The following NEBL variants were observed in gnomAD, a reference collection of about 807,000 sequenced individuals.
The protein encoded by NEBL is LIM and SH3 protein 2.
Under a neutral mutation model 140.2 loss-of-function variants are expected in NEBL, and 122 were observed. That is an observed-to-expected ratio of 0.87 (90% CI 0.75 to 1.01). The LOEUF (loss-of-function observed/expected upper bound fraction) is 1.01, where lower values mean the gene tolerates loss of function less well. Ranked by LOEUF, NEBL falls within the 50% of genes least tolerant of loss-of-function variation. The probability of loss-of-function intolerance (pLI) is 0.00; values close to 1 mark genes in which losing one functional copy is unlikely to be tolerated. For missense variants in NEBL, 1,365 were observed against 1,231.3 expected, an observed-to-expected ratio of 1.11 and a Z score of -1.62; for synonymous variants, 436 against 398.9, an observed-to-expected ratio of 1.09 and a Z score of -1.11.
At chr10:20,839,883 G>T (rs1246234791) in intron 13 of NEBL, among the ~76,000 whole-genome samples, 2 of 151,988 alleles carry the variant, frequency 1.3e-5, no homozygotes, top group Non-Finnish European at 1.5e-5. Flanking sequence ...TATTAAGTGG[G>T]TTCATTGCAT....
intron 2 of NEBL, among the ~76,000 whole-genome samples, chr10:21,135,041 C>T (rs1429842275): frequency 6.6e-6 from 1 of 152,156 alleles, no homozygotes; most frequent in Non-Finnish European, 1.5e-5. Flanking sequence ...CAACGTTTGT[C>T]CAGGTTCCAG....
chr10:21,029,832 G>C, intron 2 of NEBL: 1 of 697,402 alleles, frequency 1.4e-6, no homozygotes, highest in Non-Finnish European at 2.6e-6. Flanking sequence ...ATAGGCAGTG[G>C]CAGAAGGGCA....
At chr10:21,184,751 TAAG>T (rs1203005063) in intron 3 of NEBL, among the ~76,000 whole-genome samples, 1 of 152,206 alleles carries the variant, frequency 6.6e-6, no homozygotes, top group African/African-American at 2.4e-5. Flanking sequence ...TTTTATGACA[TAAG>T]AAGATGTTTC....
chr10:20,842,726 T>C (rs1192061908), intron 12 of NEBL, among the ~76,000 whole-genome samples: 2 of 152,206 alleles, frequency 1.3e-5, no homozygotes, highest in East Asian at 3.9e-4. Flanking sequence ...ATTTACTTTT[T>C]CGTGGCGAGA....
intron 26 of NEBL, among the ~76,000 whole-genome samples, chr10:20,801,204 T>G (rs772854960): frequency 3.9e-5 from 6 of 151,912 alleles, no homozygotes; most frequent in African/African-American, 9.7e-5. Flanking sequence ...TTTTATTTAT[T>G]TTTATTTTTA....
intron 4 of NEBL, among the ~76,000 whole-genome samples, chr10:20,903,264 A>G (rs1210752980): frequency 1.3e-5 from 2 of 152,256 alleles, no homozygotes; most frequent in East Asian, 1.9e-4. Context: ...TATGAAAAAA[A>G]TGCTCAATAT....
intron 3 of NEBL, among the ~76,000 whole-genome samples, chr10:21,236,452 A>G (rs1013800174): frequency 6.6e-6 from 1 of 150,660 alleles, no homozygotes; most frequent in African/African-American, 2.5e-5. Context: ...GGTTCAAGCA[A>G]TTCTCATACC....
chr10:21,221,360 G>A (rs1842064010), intron 3 of NEBL, among the ~76,000 whole-genome samples: 1 of 152,106 alleles, frequency 6.6e-6, no homozygotes, highest in Admixed American at 6.6e-5. Context: ...AAATGTGCGA[G>A]GCTACTCTGA....
intron 4 of NEBL, among the ~76,000 whole-genome samples, chr10:20,914,011 T>C (rs146554106): frequency 1.3e-5 from 2 of 152,154 alleles, no homozygotes; most frequent in Non-Finnish European, 2.9e-5. Flanking sequence ...AATTCACCAG[T>C]GCAAACTACA....
At chr10:21,080,389 C>T (rs1175088760) in intron 2 of NEBL, among the ~76,000 whole-genome samples, 2 of 152,176 alleles carry the variant, frequency 1.3e-5, no homozygotes, top group East Asian at 1.9e-4. Context: ...ACTTTGAGGG[C>T]GAATTTCATT....
At chr10:21,025,922 A>G (rs1839010364) in intron 2 of NEBL, among the ~76,000 whole-genome samples, 1 of 152,132 alleles carries the variant, frequency 6.6e-6, no homozygotes, top group African/African-American at 2.4e-5. Flanking sequence ...TATTATTATC[A>G]CTATTACTAT....
chr10:21,146,364 T>C, intron 2 of NEBL: 1 of 1,613,308 alleles, frequency 6.2e-7, no homozygotes. Context: ...GGAATGTACA[T>C]TTCAGCCACA....
chr10:21,077,312 T>A (rs1836142429), intron 2 of NEBL, among the ~76,000 whole-genome samples: 1 of 152,176 alleles, frequency 6.6e-6, no homozygotes, highest in Admixed American at 6.5e-5. Flanking sequence ...ACATTTTAAA[T>A]TGCTTTTGCT....
rs1204100847 is a variant in NEBL, at chr10:21,255,841, CA to C, written n.183-4014del. ...TGAAACCCCATCTCTACTAAAAATA[CA>C]AAAAATTAGCCAGGCGTGGGTCCCA... On this transcript the variant is annotated intron_variant and non_coding_transcript_variant, in intron 1 of 8. Coordinates refer to the NEBL transcript ENST00000675702. Among the ~76,000 whole-genome samples, 4 of 151,822 alleles carry C rather than the reference CA, an allele frequency of 2.6e-5. No individual in the cohort carries two copies. In the South Asian group the frequency reaches 8.3e-4, roughly 32 times the overall value.
chr10:20,894,878 G>A (rs1205062403), intron 2 of NEBL, among the ~76,000 whole-genome samples: 3 of 147,170 alleles, frequency 2.0e-5, no homozygotes, highest in East Asian at 2.0e-4. Flanking sequence ...GCAGTGAGCC[G>A]AGATCGTGCC....
At chr10:21,241,499 G>T (rs971219180) in intron 3 of NEBL, among the ~76,000 whole-genome samples, 15 of 152,172 alleles carry the variant, frequency 9.9e-5, no homozygotes, top group Admixed American at 7.2e-4. Flanking sequence ...AGTCAACTCA[G>T]CAGTAACACA....
chr10:21,093,776 G>A (rs1219816695), intron 2 of NEBL, among the ~76,000 whole-genome samples: 8 of 152,180 alleles, frequency 5.3e-5, no homozygotes, highest in Non-Finnish European at 8.8e-5. Flanking sequence ...CTACTGCTTC[G>A]TAAACAAATC....
intron 1 of NEBL, among the ~76,000 whole-genome samples, chr10:21,266,390 A>C (rs1439585815): frequency 6.6e-6 from 1 of 152,020 alleles, no homozygotes; most frequent in Non-Finnish European, 1.5e-5. Flanking sequence ...AACCCACCCA[A>C]CTTGGCCTCC....
intron 4 of NEBL, among the ~76,000 whole-genome samples, chr10:20,906,627 T>A (rs2131448376): frequency 6.6e-6 from 1 of 152,234 alleles, no homozygotes; most frequent in Middle Eastern, 3.4e-3. Flanking sequence ...TCTTCTTTAT[T>A]ATTTGTGTGA....
Sources: allele counts gnomAD v4.1 joint callset (sites outside exome capture counted in the v4.1 genomes callset), GRCh38; gene constraint gnomAD v4.1.1; transcripts MANE v1.5; gene names NCBI Gene and HGNC (gene_info 2026-07-23, HGNC 2026-07-21).